The following ATP9B variants were observed in gnomAD, a reference collection of about 807,000 sequenced individuals.
ATP9B encodes the protein ATPase phospholipid transporting 9B, also known as probable phospholipid-transporting ATPase IIB.
ATP9B carries 110 observed loss-of-function variants against 146.1 expected under a neutral mutation model. That is an observed-to-expected ratio of 0.75 (90% CI 0.65 to 0.88). The LOEUF is 0.88. ATP9B is among the 40% of genes least tolerant of loss of function. ATP9B has a pLI of 0.00. For synonymous variants in ATP9B, 604 were observed against 569.7 expected (o/e 1.06, Z -0.86); for missense variants, 1,499 against 1,496.4 (o/e 1.00, Z -0.03).
chr18:79,130,564 T>C (rs2094361057), intron 5 of ATP9B, among the ~76,000 whole-genome samples: 1 of 152,036 alleles, frequency 6.6e-6, no homozygotes, highest in Non-Finnish European at 1.5e-5. Flanking sequence ...AAAAACTTTC[T>C]AAATTTGATA....
At chr18:79,232,335 T>G (rs2095800468) in intron 11 of ATP9B, among the ~76,000 whole-genome samples, 1 of 152,196 alleles carries the variant, frequency 6.6e-6, no homozygotes, top group South Asian at 2.1e-4. Flanking sequence ...CCATCAGGGC[T>G]CAGTGTGATA....
intron 15 of ATP9B, among the ~76,000 whole-genome samples, chr18:79,327,856 A>G (rs75128345): frequency 0.14 from 548 of 3,854 alleles, 117 homozygotes; most frequent in East Asian, 0.5. Flanking sequence ...CGTGCTCTCC[A>G]TGGTTAGCGT....
At chr18:79,193,628 T>C (rs2095390419) in intron 9 of ATP9B, among the ~76,000 whole-genome samples, 2 of 152,238 alleles carry the variant, frequency 1.3e-5, no homozygotes, top group African/African-American at 4.8e-5. Context: ...TATATATATG[T>C]GAGTCTGTAC....
intron 15 of ATP9B, among the ~76,000 whole-genome samples, chr18:79,316,455 T>C (rs2096680622): frequency 6.6e-6 from 1 of 152,312 alleles, no homozygotes; most frequent in South Asian, 2.1e-4. Context: ...ATGTCTGTCC[T>C]GTTGGCAGCT....
At chr18:79,220,294 T>C (rs2095665509) in intron 11 of ATP9B, among the ~76,000 whole-genome samples, 1 of 152,204 alleles carries the variant, frequency 6.6e-6, no homozygotes, top group African/African-American at 2.4e-5. Flanking sequence ...TTGGAGAGCA[T>C]CCTTTCCTTC....
intron 1 of ATP9B, chr18:79,085,047 C>A (rs1233290815): frequency 6.6e-6 from 1 of 151,160 alleles, no homozygotes; most frequent in Non-Finnish European, 1.5e-5. Flanking sequence ...CTTCTGTAAG[C>A]TTTTAAGGAA....
intron 9 of ATP9B, 110 bp downstream of exon 9, chr18:79,193,373 C>A: frequency 2.2e-6 from 2 of 908,378 alleles, no homozygotes; most frequent in Non-Finnish European, 3.5e-6. Context: ...AAGTTTCAAA[C>A]TAGGAAGGGA....
Position 79,206,953 on chromosome 18 carries a change from C to A in ATP9B, c.971C>A (p.Pro324His). ...GTFTREDSDPPIHESLSIENT... is the reference protein window; with the variant it reads ...GTFTREDSDPHIHESLSIENT... ...CCTGCACAGGAAGACAGTGACCCGCCCATTCATGAAAGTCTCAGCATAGAA... is the reference window on the plus strand; with the variant it reads ...CCTGCACAGGAAGACAGTGACCCGCACATTCATGAAAGTCTCAGCATAGAA... Residue 324 changes from proline to histidine, a missense_variant, in exon 10 of 30, where the codon CCC (proline) becomes CAC (histidine). Transcript: ENST00000426216. 6.2e-7 allele frequency: 1 copy of A among 1,614,000 alleles called. No homozygotes were observed. Among genetic ancestry groups the A allele is most frequent in the Non-Finnish European group, 8.5e-7 (1 of 1,179,922 alleles).
intron 11 of ATP9B, among the ~76,000 whole-genome samples, chr18:79,245,532 G>C (rs1216004528): frequency 6.6e-6 from 1 of 152,194 alleles, no homozygotes; most frequent in Admixed American, 6.5e-5. Context: ...CCTTAGGAGG[G>C]CACCACCCTA....
intron 11 of ATP9B, among the ~76,000 whole-genome samples, chr18:79,224,146 C>A (rs1244492098): frequency 6.6e-6 from 1 of 152,128 alleles, no homozygotes; most frequent in Non-Finnish European, 1.5e-5. Context: ...ATCAAAATTC[C>A]TAACAGAGAA....
chr18:79,191,891 T>C (rs2095370198), intron 8 of ATP9B, among the ~76,000 whole-genome samples: 1 of 152,224 alleles, frequency 6.6e-6, no homozygotes, highest in Non-Finnish European at 1.5e-5. Context: ...TTTTTTTAAA[T>C]GATTCATTGT....
chr18:79,200,563 GA>G (rs908087061), intron 9 of ATP9B, among the ~76,000 whole-genome samples: 1 of 151,576 alleles, frequency 6.6e-6, no homozygotes, highest in South Asian at 2.1e-4. Flanking sequence ...AAAAGCTTAG[GA>G]AAAAAAAGGC....
chr18:79,330,228 C>T (rs2096782888), intron 17 of ATP9B, 124 bp downstream of exon 17: 2 of 857,096 alleles, frequency 2.3e-6, no homozygotes, highest in African/African-American at 3.3e-5. Flanking sequence ...AAAGGATATC[C>T]TTTCCCCAGC....
At chr18:79,153,239 G>A (rs1038479911) in intron 6 of ATP9B, among the ~76,000 whole-genome samples, 4 of 152,080 alleles carry the variant, frequency 2.6e-5, no homozygotes, top group African/African-American at 4.8e-5. Context: ...ATTATGTGAC[G>A]TATTCTTAAT....
chr18:79,072,142 CT>C (rs34018028), intron 1 of ATP9B, among the ~76,000 whole-genome samples: 65,315 of 145,890 alleles, frequency 0.45, 15,858 homozygotes, highest in Middle Eastern at 0.66. Context: ...TTCCCTAATT[CT>C]TTTTTTTTTT....
At chr18:79,260,821 A>G (rs140915817) in intron 12 of ATP9B, among the ~76,000 whole-genome samples, 12 of 152,252 alleles carry the variant, frequency 7.9e-5, no homozygotes, top group Admixed American at 5.9e-4. Context: ...ACTGAGACAC[A>G]GTTCTTCTAT....
intron 15 of ATP9B, among the ~76,000 whole-genome samples, chr18:79,324,834 G>A (rs2096735499): frequency 6.6e-6 from 1 of 152,228 alleles, no homozygotes; most frequent in Admixed American, 6.5e-5. Context: ...TTTATAAATA[G>A]TTAACTATAT....
At chr18:79,106,526 C>G (rs1241188776) in intron 2 of ATP9B, among the ~76,000 whole-genome samples, 1 of 152,132 alleles carries the variant, frequency 6.6e-6, no homozygotes, top group African/African-American at 2.4e-5. Context: ...ACCTGCAGGC[C>G]TTTCACACCT....
At chr18:79,295,311 C>G (rs1368880765) in intron 13 of ATP9B, among the ~76,000 whole-genome samples, 1 of 152,174 alleles carries the variant, frequency 6.6e-6, no homozygotes, top group East Asian at 1.9e-4. Flanking sequence ...GTGAAATTGG[C>G]ACGTAATTAT....
Sources: allele counts gnomAD v4.1 joint callset (sites outside exome capture counted in the v4.1 genomes callset), GRCh38; gene constraint gnomAD v4.1.1; transcripts MANE v1.5; gene names NCBI Gene and HGNC (gene_info 2026-07-23, HGNC 2026-07-21).